EGLN1: variants seen among roughly 807,000 people sequenced by gnomAD.
EGLN1 encodes the protein egl nine homolog 1.
In EGLN1, 17 loss-of-function variants were observed where a neutral mutation model predicts 38.3. The ratio of observed to expected loss-of-function variants is 0.44; its 90% CI spans 0.30 to 0.67. EGLN1 has a LOEUF of 0.67. Ranked by LOEUF, EGLN1 falls within the 30% of genes least tolerant of loss-of-function variation. The pLI, the probability that EGLN1 is intolerant of heterozygous loss-of-function variation, is 0.08. For synonymous variants in EGLN1, 283 were observed against 257.5 expected (o/e 1.10, Z -0.95); for missense variants, 477 against 603.3 (o/e 0.79, Z 2.19).
intron 1 of EGLN1, among the ~76,000 whole-genome samples, chr1:231,383,381 C>T (rs995121722): frequency 6.6e-6 from 1 of 152,118 alleles, no homozygotes. Context: ...TGCAAAGGCA[C>T]ACAGTACAGT....
At position 231,422,077 on chromosome 1, in the gene EGLN1, C is replaced by G. The variant is rs1467742381; in HGVS notation, c.-189G>C. On this transcript the variant is annotated 5_prime_UTR_variant, in exon 1 of 5. Coordinates refer to ENST00000366641, the MANE Select transcript of EGLN1 (RefSeq NM_022051.3). ...CCCGGCCGCTTCCGAGTCCTAAGCT[C>G]CGGCGCAGCGCCGGCAGCCGCCTCA... The G allele has an allele frequency of 1.0e-5, 5 of 501,400 alleles. No homozygotes were observed. Among genetic ancestry groups the G allele is most frequent in the Non-Finnish European group, 1.6e-5 (5 of 316,194 alleles). The allele number at this position is 501,400 out of a possible 1,614,324, so 31.1% of individuals were successfully genotyped here.
intron 1 of EGLN1, among the ~76,000 whole-genome samples, chr1:231,397,129 A>G (rs1688550432): frequency 6.6e-6 from 1 of 152,168 alleles, no homozygotes; most frequent in Admixed American, 6.5e-5. Flanking sequence ...ATAGCTCCCA[A>G]TGCCTAGCAG....
chr1:231,385,656 C>CTGAAGCCCACTAA (rs1688186108), intron 1 of EGLN1, among the ~76,000 whole-genome samples: 1 of 152,148 alleles, frequency 6.6e-6, no homozygotes, highest in South Asian at 2.1e-4. Context: ...TAGTGGGTAA[C>CTGAAGCCCACTAA]AGGGAGCCAC....
At position 231,364,432 on chromosome 1, in the gene EGLN1, T is replaced by C. The variant is rs1053708965; in HGVS notation, c.*1979A>G. The C allele has an allele frequency of 7.2e-5, 11 of 152,260 alleles. No homozygotes were observed. Among genetic ancestry groups the C allele is most frequent in the African/African-American group, 2.4e-4 (10 of 41,454 alleles). The allele number at this position is 152,260 out of a possible 1,614,324, so 9.4% of individuals were successfully genotyped here. On this transcript the variant is annotated 3_prime_UTR_variant, in exon 5 of 5. Coordinates refer to ENST00000366641, the MANE Select transcript of EGLN1 (RefSeq NM_022051.3). ...TCCTGGGTTGGGCTGGCAGAGGCAC[T>C]TACTGTAGAGATGTGATGTTATCAT...
chr1:231,412,500 C>A (rs1313986828), intron 1 of EGLN1, among the ~76,000 whole-genome samples: 3 of 152,234 alleles, frequency 2.0e-5, no homozygotes, highest in Admixed American at 6.5e-5. Context: ...CGTGGATTCA[C>A]AAGCCATCTT....
At chr1:231,371,721 T>C (rs1048661884) in intron 2 of EGLN1, among the ~76,000 whole-genome samples, 10 of 152,172 alleles carry the variant, frequency 6.6e-5, no homozygotes, top group African/African-American at 9.7e-5. Context: ...ACTTTGTCCT[T>C]GCGGGGTTTA....
At chr1:231,413,937 A>C (rs1360458233) in intron 1 of EGLN1, among the ~76,000 whole-genome samples, 1 of 152,184 alleles carries the variant, frequency 6.6e-6, no homozygotes, top group African/African-American at 2.4e-5. Flanking sequence ...AAATGAAACT[A>C]ATTCTGAATT....
At chr1:231,410,537 GTTGTT>G (rs1688911101) in intron 1 of EGLN1, among the ~76,000 whole-genome samples, 1 of 152,152 alleles carries the variant, frequency 6.6e-6, no homozygotes, top group African/African-American at 2.4e-5. Context: ...ACAAATGTGT[GTTGTT>G]TTAAGCTGCT....
At chr1:231,414,650 G>A (rs1220277719) in intron 1 of EGLN1, among the ~76,000 whole-genome samples, 1 of 151,940 alleles carries the variant, frequency 6.6e-6, no homozygotes, top group Non-Finnish European at 1.5e-5. Context: ...GAAGCAAAAG[G>A]GAGAAGAAAG....
At chr1:231,369,576 C>T in intron 3 of EGLN1, 3 of 985,384 alleles carry the variant, frequency 3.0e-6, no homozygotes, top group Non-Finnish European at 3.6e-6. Flanking sequence ...TCTCCAGCTA[C>T]AACCTGCTTA....
At chr1:231,401,450 T>C (rs779573629) in intron 1 of EGLN1, among the ~76,000 whole-genome samples, 4 of 152,170 alleles carry the variant, frequency 2.6e-5, no homozygotes, top group Admixed American at 6.5e-5. Flanking sequence ...AATTATAGTC[T>C]AGAAATTTTT....
chr1:231,381,401 A>G (rs1688075308), intron 1 of EGLN1, among the ~76,000 whole-genome samples: 1 of 152,210 alleles, frequency 6.6e-6, no homozygotes, highest in African/African-American at 2.4e-5. Flanking sequence ...TCCCATGTTC[A>G]TAGAAATATG....
At chr1:231,388,980 ATT>A (rs1311031026) in intron 1 of EGLN1, among the ~76,000 whole-genome samples, 1 of 152,144 alleles carries the variant, frequency 6.6e-6, no homozygotes, top group African/African-American at 2.4e-5. Flanking sequence ...TTTATCAATG[ATT>A]TTGAGTCACA....
chr1:231,367,736 G>A, intron 3 of EGLN1, 100 bp from the exon 4 acceptor site: 1 of 970,904 alleles, frequency 1.0e-6, no homozygotes, highest in Non-Finnish European at 1.6e-6. Flanking sequence ...CCAAAATTAT[G>A]CCTAAACTGG....
At chr1:231,412,483 C>A (rs975685400) in intron 1 of EGLN1, among the ~76,000 whole-genome samples, 1 of 152,138 alleles carries the variant, frequency 6.6e-6, no homozygotes, top group South Asian at 2.1e-4. Context: ...TCGTATATTT[C>A]TTTTTACGTG....
intron 1 of EGLN1, among the ~76,000 whole-genome samples, chr1:231,379,042 A>C (rs1356586586): frequency 2.0e-5 from 3 of 152,212 alleles, no homozygotes; most frequent in Non-Finnish European, 4.4e-5. Flanking sequence ...CCCATTTTAG[A>C]GACCAGAAAA....
intron 1 of EGLN1, among the ~76,000 whole-genome samples, chr1:231,386,056 T>G (rs1688196632): frequency 6.6e-6 from 1 of 152,002 alleles, no homozygotes; most frequent in Non-Finnish European, 1.5e-5. Context: ...ACTCAAGTGA[T>G]CTGCCTGCCT....
Position 231,367,624 on chromosome 1 carries a change from A to G in EGLN1, c.1161T>C (p.Thr387=). 1 of 1,613,996 alleles carries G rather than the reference A, an allele frequency of 6.2e-7. No individual in the cohort carries two copies. Among genetic ancestry groups the G allele is most frequent in the African/African-American group, 1.3e-5 (1 of 75,056 alleles). The part of the protein sequence containing the change: ...QPAYATRYAI[T]VWYFDADERA... ...TCTCATCTGCATCAAAATACCAAAC[A>G]GTTATTGCGTACCTAAAAGAAAATT... Residue 387 remains threonine, a synonymous_variant, in exon 4 of 5, where the codon ACT becomes ACC. Transcript: ENST00000366641.
At chr1:231,367,677 C>CG (rs1558376571) in intron 3 of EGLN1, 41 bp from the exon 4 acceptor site, 1 of 1,581,964 alleles carries the variant, frequency 6.3e-7, no homozygotes, top group South Asian at 1.1e-5. Flanking sequence ...GATCACACTG[C>CG]GGGGAAAAAG....
Sources: gnomAD v4.1 joint callset for allele counts (sites outside exome capture counted in the v4.1 genomes callset) on GRCh38, gnomAD v4.1.1 for gene constraint, MANE v1.5 for transcripts, NCBI Gene and HGNC (gene_info 2026-07-23, HGNC 2026-07-21) for gene names.